Variants in FGF22 observed in about 807,000 individuals in gnomAD.
FGF22 encodes FGF-22.
Under a neutral mutation model 10.3 loss-of-function variants are expected in FGF22, and 11 were observed. The observed-to-expected ratio is 1.07, with a 90% confidence interval of 0.67 to 1.77. FGF22 has a LOEUF of 1.77. Among genes scored for constraint, FGF22 ranks in the 40% most tolerant of loss-of-function variants. FGF22 has a pLI of 0.00. For synonymous variants in FGF22, 136 were observed against 122.1 expected, an observed-to-expected ratio of 1.11 and a Z score of -0.75; for missense variants, 317 against 273.2, an observed-to-expected ratio of 1.16 and a Z score of -1.13.
At chr19:640,416 A>C in intron 1 of FGF22, 1 of 307,226 alleles carries the variant, frequency 3.3e-6, no homozygotes, top group Non-Finnish European at 6.0e-6. Flanking sequence ...CAGGTGGGAA[A>C]CTGAGGCTCC....
chr19:642,913 GGCTGAGCTGCAGGGACAGC>G (rs1252992996), intron 1 of FGF22, among the ~76,000 whole-genome samples: 1 of 152,004 alleles, frequency 6.6e-6, no homozygotes, highest in Non-Finnish European at 1.5e-5. Flanking sequence ...GCTGCTCTTG[GGCTGAGCTGCAGGGACAGC>G]GCTGACCTGG....
chr19:641,980 G>T (rs374019826), intron 1 of FGF22, among the ~76,000 whole-genome samples: 2 of 152,288 alleles, frequency 1.3e-5, no homozygotes, highest in South Asian at 4.1e-4. Flanking sequence ...ACCCACAGAC[G>T]ATGGCGTCCA....
Position 643,461 on chromosome 19 carries a change from C to CA in FGF22, c.371dup (p.His124GlnfsTer51). 6.2e-7 allele frequency: 1 copy of CA among 1,611,552 alleles called. No homozygotes were observed. The highest frequency in any genetic ancestry group is 1.7e-5 in the Admixed American group (1 of 59,976). On this transcript the variant is annotated frameshift_variant, in exon 3 of 3. Transcript: ENST00000215530. LOFTEE classifies it low-confidence loss of function (END_TRUNC). ...CCGGGAGCGCATCGAAGAGAACGGCCACAACACCTACGCCTCACAGCGCTG... is the reference window on the plus strand; with the variant it reads ...CCGGGAGCGCATCGAAGAGAACGGCCAACAACACCTACGCCTCACAGCGCTG...
chr19:641,580 A>C (rs1016368713), intron 1 of FGF22: 4 of 228,494 alleles, frequency 1.8e-5, no homozygotes, highest in Non-Finnish European at 2.7e-5. Context: ...GTCTCAAAAA[A>C]AAAAAAAAAA....
exon 3 of FGF22, chr19:643,671 TC>T: frequency 8.4e-6 from 11 of 1,310,708 alleles, no homozygotes; most frequent in Non-Finnish European, 1.1e-5. Context: ...CCACGCTTGT[TC>T]TTCCCCCTGC....
At chr19:641,160 G>A in intron 1 of FGF22, 1 of 456,518 alleles carries the variant, frequency 2.2e-6, no homozygotes, top group Non-Finnish European at 4.4e-6. Flanking sequence ...CGGGCACCTT[G>A]TGGGTGCTGT....
At chr19:643,387 G>GGGGGGGGGGC in intron 2 of FGF22, 23 bp from the exon 3 acceptor site, 1 of 578,614 alleles carries the variant, frequency 1.7e-6, no homozygotes, top group Admixed American at 2.0e-5. Flanking sequence ...GGGAGGGTGG[G>GGGGGGGGGGC]CCGGCCTCAC....
At chr19:640,710 C>T (rs976745832) in intron 1 of FGF22, 2 of 179,306 alleles carry the variant, frequency 1.1e-5, no homozygotes, top group South Asian at 1.1e-4. Flanking sequence ...GAGGTAGGCC[C>T]TCAGTGTTTG....
intron 1 of FGF22, among the ~76,000 whole-genome samples, chr19:642,146 G>T (rs987953094): frequency 6.6e-6 from 1 of 152,220 alleles, no homozygotes; most frequent in Admixed American, 6.5e-5. Flanking sequence ...TGCCAGCCCG[G>T]CCTCCAGTCC....
chr19:642,560 G>C (rs182956189), intron 1 of FGF22, among the ~76,000 whole-genome samples: 37 of 50,112 alleles, frequency 7.4e-4, no homozygotes, highest in African/African-American at 2.7e-3. Flanking sequence ...GGGCTGGGGG[G>C]TCCCTGGGGT....
chr19:643,346 C>A lies in FGF22; in HGVS notation c.318+8C>A, dbSNP rs751033634. ...GGCCGCCTCTACGGGTCGGTGAGTG[C>A]CGGGCAGGGCTGGGCGGCGCGGGCA... On this transcript the variant is annotated splice_region_variant and intron_variant, in intron 2 of 2. Coordinates refer to ENST00000215530, the Ensembl canonical transcript of FGF22. The A allele has an allele frequency of 1.4e-6, 2 of 1,391,808 alleles. No homozygotes were observed. Among genetic ancestry groups the A allele is most frequent in the Non-Finnish European group, 1.9e-6 (2 of 1,036,008 alleles). The allele number at this position is 1,391,808 out of a possible 1,614,324, so 86.2% of individuals were successfully genotyped here.
exon 2 of FGF22, chr19:643,236 C>T: frequency 6.2e-7 from 1 of 1,603,820 alleles, no homozygotes; most frequent in Non-Finnish European, 8.5e-7. Context: ...CTCCCCCAGG[C>T]ATCCTGGAGA....
chr19:642,251 G>C (rs1182250607), intron 1 of FGF22, among the ~76,000 whole-genome samples: 15 of 98,516 alleles, frequency 1.5e-4, no homozygotes, highest in Admixed American at 4.3e-4. Context: ...GGTGTGAGCT[G>C]TGAGGGCCGG....
intron 1 of FGF22, chr19:641,108 C>T: frequency 2.2e-6 from 1 of 451,382 alleles, no homozygotes; most frequent in South Asian, 1.6e-5. Flanking sequence ...TGAGGGCTAG[C>T]TGAGGGCTCT....
intron 1 of FGF22, chr19:640,346 C>T (rs977258264): frequency 4.7e-5 from 18 of 380,338 alleles, no homozygotes; most frequent in Non-Finnish European, 5.5e-5. Context: ...GCGGCGGACC[C>T]GGCTCAGGGG....
rs781217099 is a variant in FGF22 at position 643,401 on chromosome 19, C to T, written c.319-9C>T. 59 of 1,608,902 alleles carry T rather than the reference C, an allele frequency of 3.7e-5. No individual in the cohort carries two copies. Among genetic ancestry groups the T allele is most frequent in the Middle Eastern group, 1.7e-4 (1 of 6,020 alleles). On this transcript the variant is annotated splice_polypyrimidine_tract_variant and intron_variant, in intron 2 of 2. Coordinates refer to ENST00000215530, the Ensembl canonical transcript of FGF22. ...GGGGAGGGTGGGCCGGCCTCACCCCCGCCCGCAGCGACTCTACACCGTGGA... is the reference window on the plus strand; with the variant it reads ...GGGGAGGGTGGGCCGGCCTCACCCCTGCCCGCAGCGACTCTACACCGTGGA...
chr19:644,106 C>T (rs1986006921), exon 3 of FGF22: 1 of 171,270 alleles, frequency 5.8e-6, no homozygotes, highest in South Asian at 1.6e-4. Flanking sequence ...TCCAGGGCCC[C>T]AGTGTCCTCA....
chr19:643,625 T>A (rs1985990424), exon 3 of FGF22: 1 of 1,490,218 alleles, frequency 6.7e-7, no homozygotes, highest in Non-Finnish European at 8.9e-7. Context: ...GGCCGGCGGC[T>A]CCCCAAGGTG....
chr19:641,860 A>G (rs1303596735), intron 1 of FGF22, among the ~76,000 whole-genome samples: 1 of 152,166 alleles, frequency 6.6e-6, no homozygotes, highest in Non-Finnish European at 1.5e-5. Flanking sequence ...ACAAAGCGGC[A>G]GACACCCAGG....
Sources: allele counts gnomAD v4.1 joint callset (sites outside exome capture counted in the v4.1 genomes callset), GRCh38; gene constraint gnomAD v4.1.1; transcripts MANE v1.5; gene names NCBI Gene and HGNC (gene_info 2026-07-23, HGNC 2026-07-21).